Variants in MLLT3 observed in about 807,000 individuals in gnomAD.
The protein encoded by MLLT3 is MLLT3 super elongation complex subunit.
MLLT3 carries 4 observed loss-of-function variants against 53.2 expected under a neutral mutation model. The ratio of observed to expected loss-of-function variants is 0.08; its 90% CI spans 0.04 to 0.17. MLLT3 has a LOEUF of 0.17. Among genes scored for constraint, MLLT3 ranks in the 10% least tolerant of loss-of-function variants. The pLI is 1.00. For synonymous variants in MLLT3, 283 were observed against 230.6 expected (o/e 1.23, Z -2.06); for missense variants, 569 against 684.0 (o/e 0.83, Z 1.87).
At chr9:20,391,228 G>C (rs193111694) in intron 5 of MLLT3, among the ~76,000 whole-genome samples, 115 of 152,262 alleles carry the variant, frequency 7.6e-4, no homozygotes, top group African/African-American at 2.6e-3. Flanking sequence ...CAATCATTTT[G>C]TAGGAATAAA....
intron 2 of MLLT3, among the ~76,000 whole-genome samples, chr9:20,466,202 A>G (rs753519423): frequency 3.3e-5 from 5 of 152,144 alleles, no homozygotes; most frequent in Non-Finnish European, 7.4e-5. Flanking sequence ...GCCTATACTT[A>G]AGGTTCAGAT....
At chr9:20,536,717 A>G (rs929582733) in intron 2 of MLLT3, among the ~76,000 whole-genome samples, 7 of 152,180 alleles carry the variant, frequency 4.6e-5, no homozygotes, top group African/African-American at 1.7e-4. Context: ...AGTAGTGCCT[A>G]TTTTGTTTGT....
At position 20,428,226 on chromosome 9, in the gene MLLT3, C is replaced by G. The variant is rs1823183725; in HGVS notation, c.421-13801G>C. Among the ~76,000 whole-genome samples, 3 of 151,788 alleles carry G rather than the reference C, an allele frequency of 2.0e-5. No individual in the cohort carries two copies. In the South Asian group the frequency reaches 6.2e-4, roughly 32 times the overall value. On this transcript the variant is annotated intron_variant, in intron 4 of 10. Transcript: ENST00000380338. The stretch of plus-strand genomic sequence containing the variant: ...TAAGTAAAAACCTAGAATTGTAAAA[C>G]CAGAAAAAACACTTTCAAAATAGGG...
In MLLT3 at chr9:20,449,964, C is replaced by T. The variant is rs533809100; in HGVS notation, c.277-1698G>A. Among the ~76,000 whole-genome samples, 4 of 152,324 alleles carry T rather than the reference C, an allele frequency of 2.6e-5. No individual in the cohort carries two copies. In the South Asian group the frequency reaches 6.2e-4, roughly 24 times the overall value. On this transcript the variant is annotated intron_variant, in intron 3 of 10. Coordinates refer to ENST00000380338, the MANE Select transcript of MLLT3 (RefSeq NM_004529.4). ...TCCACCTGTGTGACAGTGACTCCCC[C>T]AAGTGTATCTCCAACCCAGCTCTCA...
Position 20,365,658 on chromosome 9 carries a change from G to A in MLLT3, c.1201+11C>T, listed in dbSNP as rs1449316851. The A allele has an allele frequency of 6.2e-7, 1 of 1,614,070 alleles. No homozygotes were observed. Among genetic ancestry groups the A allele is most frequent in the Non-Finnish European group, 8.5e-7 (1 of 1,180,046 alleles). On this transcript the variant is annotated intron_variant, in intron 6 of 10. Transcript: ENST00000380338. ...GAAAAGCATCTCCTAGTTTGCATGA[G>A]ATGTTGATACCTTGTTGCCTGGTCT...
intron 2 of MLLT3, among the ~76,000 whole-genome samples, chr9:20,459,969 C>T (rs1335527225): frequency 6.6e-6 from 1 of 152,116 alleles, no homozygotes; most frequent in Non-Finnish European, 1.5e-5. Context: ...CAGTTCTAAT[C>T]TGAAGAAAGT....
intron 2 of MLLT3, 134 bp from the exon 3 acceptor site, chr9:20,456,920 G>C (rs909465923): frequency 1.8e-5 from 11 of 619,528 alleles, no homozygotes; most frequent in East Asian, 1.6e-4. Flanking sequence ...ACTCCCAGTT[G>C]AGTCTCCGAT....
intron 2 of MLLT3, among the ~76,000 whole-genome samples, chr9:20,617,028 G>A (rs1236288818): frequency 6.6e-6 from 1 of 152,072 alleles, no homozygotes; most frequent in East Asian, 1.9e-4. Flanking sequence ...TAAGTGCCTT[G>A]GAAAATTATA....
At chr9:20,509,344 G>A (rs1019799121) in intron 2 of MLLT3, among the ~76,000 whole-genome samples, 2 of 152,192 alleles carry the variant, frequency 1.3e-5, no homozygotes, top group African/African-American at 4.8e-5. Context: ...TATTTATTCT[G>A]TTCAAAGTTC....
At chr9:20,619,254 T>TAAG (rs1266473798) in intron 2 of MLLT3, among the ~76,000 whole-genome samples, 1 of 152,234 alleles carries the variant, frequency 6.6e-6, no homozygotes, top group South Asian at 2.1e-4. Context: ...TAGCCCTCTA[T>TAAG]AAGAAACTGG....
In MLLT3 at chr9:20,448,401, G is replaced by T; in HGVS notation, c.277-135C>A. On this transcript the variant is annotated intron_variant, in intron 3 of 10. Transcript: ENST00000380338. The surrounding 1 kb of genome is among the most constrained non-coding windows in gnomAD (Gnocchi z 4.0). ...CAGCTAAACTGTCAAAGTAGTACTG[G>T]GAAAAAAAAAAGTATCATGGAATCA... is the stretch of plus-strand genomic sequence containing the variant. The T allele has an allele frequency of 1.5e-6, 1 of 665,402 alleles. No individual in the cohort carries two copies. Among genetic ancestry groups the T allele is most frequent in the Non-Finnish European group, 2.4e-6 (1 of 423,254 alleles). The allele number at this position is 665,402 out of a possible 1,614,324, so 41.2% of individuals were successfully genotyped here.
At chr9:20,616,552 T>C (rs1041460957) in intron 2 of MLLT3, among the ~76,000 whole-genome samples, 4 of 152,160 alleles carry the variant, frequency 2.6e-5, no homozygotes, top group African/African-American at 4.8e-5. Context: ...ACTAAACTAC[T>C]AGTAAGAGTT....
At chr9:20,597,117 T>C (rs1820293337) in intron 2 of MLLT3, among the ~76,000 whole-genome samples, 1 of 152,024 alleles carries the variant, frequency 6.6e-6, no homozygotes, top group African/African-American at 2.4e-5. Flanking sequence ...AGAAATACTA[T>C]CTTTTTATAC....
chr9:20,579,375 T>C (rs1406680310), intron 2 of MLLT3, among the ~76,000 whole-genome samples: 1 of 151,366 alleles, frequency 6.6e-6, no homozygotes, highest in Admixed American at 6.6e-5. Context: ...TCCATCTCTA[T>C]TAAAAAGAAA....
chr9:20,380,819 C>A (rs896496541), intron 5 of MLLT3, among the ~76,000 whole-genome samples: 10 of 151,936 alleles, frequency 6.6e-5, no homozygotes, highest in African/African-American at 2.4e-4. Flanking sequence ...TTCTAGCTGG[C>A]TGCTGGAAAC....
intron 2 of MLLT3, among the ~76,000 whole-genome samples, chr9:20,552,041 A>G (rs1366725384): frequency 1.3e-5 from 2 of 152,180 alleles, no homozygotes; most frequent in Admixed American, 1.3e-4. Flanking sequence ...TTATGACTGT[A>G]AAGTTTATGG....
rs1045511586 is a variant in MLLT3 at position 20,413,895 on chromosome 9, T to C, written c.951A>G (p.Ile317Met). The change falls in exon 5 of 11, where the codon ATA (isoleucine) becomes ATG (methionine). Residue 317 changes from isoleucine (I) to methionine (M), a missense_variant. By Grantham distance (10) the Ile-to-Met change is conservative. This residue lies in a region of MLLT3 where 437 missense variants were observed against 376.5 expected (regional missense o/e 1.16). Transcript: ENST00000380338. ...FKSFSSAPPL[I>M]LTCSADKKQI... is the part of the protein sequence containing the mutation. ...GTTTTTTGTCAGCAGAACAAGTGAG[T>C]ATCAGTGGTGGTGCGCTAGAAAAAC... 6.2e-7 allele frequency: 1 copy of C among 1,614,008 alleles called. No homozygotes were observed. The highest frequency in any genetic ancestry group is 8.5e-7 in the Non-Finnish European group (1 of 1,179,994).
Position 20,566,083 on chromosome 9 carries a change from T to TAA in MLLT3, c.193+54569_193+54570dup, listed in dbSNP as rs1320162020. ...ATATATATTTGTGTATATATATATA[T>TAA]AAATATATATATAAAGTGTACTTTC... On this transcript the variant is annotated intron_variant, in intron 2 of 10. Transcript: ENST00000380338. 3.7e-4 allele frequency among the ~76,000 whole-genome samples: 52 copies of TAA among 142,002 alleles called. No individual in the cohort carries two copies. The East Asian group carries it at 5.0e-3, about 14-fold the overall frequency. The allele number at this position is 142,002 out of a possible 152,430, so 93.2% of individuals were successfully genotyped here. A position where few individuals can be genotyped will look rare whatever the true frequency, so the allele number is the denominator to read the frequency against.
At chr9:20,398,601 T>G (rs2118738829) in intron 5 of MLLT3, among the ~76,000 whole-genome samples, 1 of 152,168 alleles carries the variant, frequency 6.6e-6, no homozygotes, top group South Asian at 2.1e-4. Flanking sequence ...TTAGAGGGAA[T>G]ATAATCATAT....
Sources: gnomAD v4.1 joint callset for allele counts (sites outside exome capture counted in the v4.1 genomes callset) on GRCh38, gnomAD v4.1.1 for gene constraint, gnomAD v4.1.1 regional missense constraint, Gnocchi (gnomAD v3.1) non-coding constraint, MANE v1.5 for transcripts, NCBI Gene and HGNC (gene_info 2026-07-23, HGNC 2026-07-21) for gene names.